ENOX1: variants seen among roughly 807,000 people sequenced by gnomAD.
The protein encoded by ENOX1 is ecto-NOX disulfide-thiol exchanger 1, also known as candidate growth-related and time keeping constitutive hydroquinone (NADH) oxidase.
Under a neutral mutation model 82.5 loss-of-function variants are expected in ENOX1, and 42 were observed. The ratio of observed to expected loss-of-function variants is 0.51; its 90% confidence interval spans 0.40 to 0.66. The LOEUF is 0.66. Among genes scored for constraint, ENOX1 ranks in the 30% least tolerant of loss-of-function variants. The probability of loss-of-function intolerance (pLI) is 0.00; values close to 1 mark genes in which losing one functional copy is unlikely to be tolerated. For missense variants in ENOX1, 608 were observed against 811.6 expected (o/e 0.75, Z 3.05); for synonymous variants, 271 against 282.2 (o/e 0.96, Z 0.40).
intron 13 of ENOX1, 85 bp from the exon 14 acceptor site, chr13:43,265,539 T>C: frequency 8.9e-7 from 1 of 1,118,926 alleles, no homozygotes; most frequent in Non-Finnish European, 1.3e-6. Context: ...GTTAACTGAT[T>C]TATCTGAGGT....
intron 2 of ENOX1, among the ~76,000 whole-genome samples, chr13:43,518,641 C>T (rs1275507238): frequency 6.6e-6 from 1 of 152,062 alleles, no homozygotes; most frequent in Non-Finnish European, 1.5e-5. Context: ...TGCAATAGTA[C>T]AGAATCCACA....
At position 43,685,534 on chromosome 13, in the gene ENOX1, T is replaced by A. The variant is rs552484598; in HGVS notation, c.-284-17990A>T. ...ATGGCTTACATCATGAAAAAATGAG[T>A]CAGTGCACTTGGCAACTCATGCCCT... On this transcript the variant is annotated intron_variant, in intron 1 of 16. Transcript: ENST00000690772. Among the ~76,000 whole-genome samples, 15 of 152,026 alleles carry A rather than the reference T, an allele frequency of 9.9e-5. No individual in the cohort carries two copies. In the East Asian group the frequency reaches 2.3e-3, roughly 23 times the overall value.
At chr13:43,775,753 T>C (rs1414278046) in intron 1 of ENOX1, among the ~76,000 whole-genome samples, 1 of 152,114 alleles carries the variant, frequency 6.6e-6, no homozygotes, top group Non-Finnish European at 1.5e-5. Flanking sequence ...GCCTACACGG[T>C]TGCAACCAAT....
chr13:43,769,628 A>C (rs1011093919), intron 1 of ENOX1, among the ~76,000 whole-genome samples: 1 of 152,216 alleles, frequency 6.6e-6, no homozygotes, highest in African/African-American at 2.4e-5. Context: ...GTGGCCACTC[A>C]GGGGCTCCCA....
chr13:43,392,448 G>A (rs2052844841), intron 5 of ENOX1, among the ~76,000 whole-genome samples: 1 of 152,208 alleles, frequency 6.6e-6, no homozygotes, highest in Non-Finnish European at 1.5e-5. Context: ...GGAGGGCGAG[G>A]CGGGTGGATC....
At chr13:43,240,782 T>C (rs1212707638) in intron 14 of ENOX1, among the ~76,000 whole-genome samples, 2 of 152,228 alleles carry the variant, frequency 1.3e-5, no homozygotes, top group Admixed American at 1.3e-4. Flanking sequence ...TTTCTGAACT[T>C]AGAAGCAAGG....
chr13:43,714,664 T>G (rs111549955), intron 1 of ENOX1, among the ~76,000 whole-genome samples: 1 of 152,212 alleles, frequency 6.6e-6, no homozygotes, highest in Non-Finnish European at 1.5e-5. Context: ...TTTACCATTA[T>G]GTAATGGCCT....
At chr13:43,561,198 ACC>A (rs55743952) in intron 2 of ENOX1, among the ~76,000 whole-genome samples, 147,854 of 152,132 alleles carry the variant, frequency 0.97, 71,990 homozygotes, top group East Asian at 1. Flanking sequence ...TCTTATCATC[ACC>A]CCACTAACTA....
At chr13:43,489,123 T>C (rs1186000421) in intron 2 of ENOX1, among the ~76,000 whole-genome samples, 4 of 152,160 alleles carry the variant, frequency 2.6e-5, no homozygotes, top group East Asian at 1.9e-4. Flanking sequence ...CCAGGAGCCA[T>C]TGACAATGCA....
At chr13:43,417,133 C>T (rs1259123358) in intron 3 of ENOX1, among the ~76,000 whole-genome samples, 3 of 151,584 alleles carry the variant, frequency 2.0e-5, no homozygotes, top group Admixed American at 6.6e-5. Context: ...CAGGGGAGCC[C>T]GAGGCAGGGA....
rs959818426 is a variant in ENOX1 at position 43,478,774 on chromosome 13, T to C, written c.-75+5235A>G. 5.3e-5 allele frequency among the ~76,000 whole-genome samples: 8 copies of C among 152,216 alleles called. No individual in the cohort carries two copies. The East Asian group carries it at 1.5e-3, about 29-fold the overall frequency. On this transcript the variant is annotated intron_variant, in intron 3 of 16. Coordinates refer to ENST00000690772, the MANE Select transcript of ENOX1 (RefSeq NM_001347969.2). ...TGAGATACCCCTACTGGAAACTGTA[T>C]TGTTAATTCATGAATTCTTCTCATT...
intron 5 of ENOX1, among the ~76,000 whole-genome samples, chr13:43,373,762 C>G (rs528702233): frequency 6.6e-6 from 1 of 152,256 alleles, no homozygotes; most frequent in Non-Finnish European, 1.5e-5. Flanking sequence ...CATACTCCCC[C>G]ATAGCTTGTC....
At chr13:43,431,323 TTC>T (rs1184070939) in intron 3 of ENOX1, among the ~76,000 whole-genome samples, 2 of 152,246 alleles carry the variant, frequency 1.3e-5, no homozygotes, top group African/African-American at 4.8e-5. Flanking sequence ...AAGTGTGATC[TTC>T]TCTTAGTGAC....
intron 12 of ENOX1, among the ~76,000 whole-genome samples, chr13:43,276,719 G>A (rs2045057444): frequency 6.6e-6 from 1 of 152,194 alleles, no homozygotes; most frequent in South Asian, 2.1e-4. Context: ...TAAGAGCAAG[G>A]CTTTGCCTAA....
chr13:43,273,574 A>G (rs755305016), intron 12 of ENOX1, among the ~76,000 whole-genome samples: 1 of 152,148 alleles, frequency 6.6e-6, no homozygotes, highest in Non-Finnish European at 1.5e-5. Context: ...ATCAACTCAG[A>G]TGATGCCTTT....
chr13:43,744,994 T>C (rs1272670808), intron 1 of ENOX1, among the ~76,000 whole-genome samples: 1 of 152,194 alleles, frequency 6.6e-6, no homozygotes, highest in Non-Finnish European at 1.5e-5. Flanking sequence ...GGGAGAAAAC[T>C]GGAAAACATT....
At chr13:43,767,036 C>T (rs1187600669) in intron 1 of ENOX1, among the ~76,000 whole-genome samples, 2 of 152,000 alleles carry the variant, frequency 1.3e-5, no homozygotes, top group African/African-American at 4.8e-5. Context: ...GTGCACTTCA[C>T]CAACACAGAG....
At chr13:43,217,172 G>A (rs978857690) in intron 16 of ENOX1, among the ~76,000 whole-genome samples, 1 of 152,136 alleles carries the variant, frequency 6.6e-6, no homozygotes. Context: ...AATCCTCTTG[G>A]TCACTGCCTC....
At chr13:43,759,861 A>G (rs570019806) in intron 1 of ENOX1, among the ~76,000 whole-genome samples, 1 of 152,344 alleles carries the variant, frequency 6.6e-6, no homozygotes, top group Admixed American at 6.5e-5. Flanking sequence ...CATTCATTTA[A>G]CAAGTAATTA....
Sources: allele counts gnomAD v4.1 joint callset (sites outside exome capture counted in the v4.1 genomes callset), GRCh38; gene constraint gnomAD v4.1.1; transcripts MANE v1.5; gene names NCBI Gene and HGNC (gene_info 2026-07-23, HGNC 2026-07-21).